NARS2: variants seen among roughly 807,000 people sequenced by gnomAD.
NARS2 encodes asparaginyl-tRNA synthetase.
Under a neutral mutation model 62.9 loss-of-function variants are expected in NARS2, and 60 were observed. The ratio of observed to expected loss-of-function variants is 0.95; its 90% CI spans 0.77 to 1.18. NARS2 has a LOEUF of 1.18. NARS2 is among the 50% of genes most tolerant of loss of function. NARS2 has a pLI of 0.00. For missense variants in NARS2, 619 were observed against 576.4 expected (o/e 1.07, Z -0.76); for synonymous variants, 196 against 200.0 (o/e 0.98, Z 0.17).
intron 11 of NARS2, among the ~76,000 whole-genome samples, chr11:78,447,047 A>C (rs914584004): frequency 1.0e-5 from 1 of 99,584 alleles, no homozygotes; most frequent in Non-Finnish European, 2.2e-5. Context: ...ACATTTCTCA[A>C]AAAAAAAACA....
In NARS2 at chr11:78,436,754, T is replaced by G; in HGVS notation, c.1350A>C (p.Glu450Asp). ...VPHGGFGMGFERYLQCILGVD... is the reference protein window; with the variant it reads ...VPHGGFGMGFDRYLQCILGVD... ...CACCCAAGATGCACTGCAGGTAGCG[T>G]TCAAATCCCATCCCAAAACCTCCAT... Residue 450 changes from glutamate (E) to aspartate (D), a missense_variant, in exon 14 of 14, where the codon GAA becomes GAC. Physicochemically the swap from Glu to Asp is conservative, Grantham distance 45 (BLOSUM62 2). Transcript: ENST00000281038. The G allele has an allele frequency of 6.2e-7, 1 of 1,614,208 alleles. No homozygotes were observed. Among genetic ancestry groups the G allele is most frequent in the East Asian group, 2.2e-5 (1 of 44,882 alleles).
intron 6 of NARS2, among the ~76,000 whole-genome samples, chr11:78,514,622 A>G (rs1860837401): frequency 6.6e-6 from 1 of 152,216 alleles, no homozygotes; most frequent in Non-Finnish European, 1.5e-5. Flanking sequence ...AATCCTTCAT[A>G]TACTTTTTCT....
intron 2 of NARS2, among the ~76,000 whole-genome samples, chr11:78,571,045 T>A (rs1387122098): frequency 2.0e-5 from 3 of 152,068 alleles, no homozygotes; most frequent in Non-Finnish European, 2.9e-5. Context: ...CATGTACAAA[T>A]GCTATTAGGA....
intron 12 of NARS2, 143 bp from the exon 13 acceptor site, chr11:78,441,260 A>G (rs921945065): frequency 1.5e-6 from 1 of 650,378 alleles, no homozygotes; most frequent in Admixed American, 2.9e-5. Flanking sequence ...TACTCAATAT[A>G]GTTGAGGAGC....
In NARS2 at chr11:78,574,798, C is replaced by A; in HGVS notation, c.-310G>T. On this transcript the variant is annotated 5_prime_UTR_variant, in exon 1 of 14. Coordinates refer to ENST00000281038, the MANE Select transcript of NARS2 (RefSeq NM_024678.6). Reference sequence around the variant, plus strand: ...GACAATTGTAAACCTACGAACAGAACCCGGGCCGCAACACGCGCAACCACT... The same window carrying A: ...GACAATTGTAAACCTACGAACAGAAACCGGGCCGCAACACGCGCAACCACT... 1 of 321,388 alleles carries A rather than the reference C, an allele frequency of 3.1e-6. No individual in the cohort carries two copies. The highest frequency in any genetic ancestry group is 4.9e-5 in the South Asian group (1 of 20,426). 19.9% of individuals were successfully genotyped at this position (321,388 alleles called of 1,614,324 possible).
intron 9 of NARS2, among the ~76,000 whole-genome samples, chr11:78,471,801 T>G (rs903071205): frequency 6.6e-6 from 1 of 151,546 alleles, no homozygotes; most frequent in African/African-American, 2.4e-5. Flanking sequence ...TTTTTGTTCT[T>G]GCGATAGTTT....
chr11:78,467,581 A>G (rs1858677256), intron 10 of NARS2, among the ~76,000 whole-genome samples: 1 of 151,892 alleles, frequency 6.6e-6, no homozygotes, highest in African/African-American at 2.4e-5. Flanking sequence ...TAATTAATTA[A>G]TTAAATACAA....
intron 11 of NARS2, among the ~76,000 whole-genome samples, chr11:78,461,602 T>TAAAAAAAAAAAAAAAAAAAAAA (rs59664343): frequency 3.1e-5 from 2 of 64,078 alleles, no homozygotes; most frequent in African/African-American, 1.2e-4. Flanking sequence ...GCTGTGCTGG[T>TAAAAAAAAAAAAAAAAAAAAAA]AAAAAAAAAA....
At chr11:78,502,471 T>A (rs922884534) in intron 6 of NARS2, among the ~76,000 whole-genome samples, 1 of 152,316 alleles carries the variant, frequency 6.6e-6, no homozygotes, top group East Asian at 1.9e-4. Flanking sequence ...CTTTACTTTT[T>A]AACAGTACTA....
At chr11:78,556,528 T>C (rs1024365813) in intron 5 of NARS2, among the ~76,000 whole-genome samples, 3 of 152,222 alleles carry the variant, frequency 2.0e-5, no homozygotes, top group Non-Finnish European at 4.4e-5. Context: ...GGAAGTCCCC[T>C]TTGCTTTAAC....
intron 11 of NARS2, among the ~76,000 whole-genome samples, chr11:78,455,154 C>T (rs1050890380): frequency 6.6e-6 from 1 of 152,100 alleles, no homozygotes; most frequent in Non-Finnish European, 1.5e-5. Context: ...TCTTAGAATA[C>T]ATACAATGCC....
intron 13 of NARS2, among the ~76,000 whole-genome samples, chr11:78,437,742 C>T (rs775037956): frequency 2.0e-5 from 3 of 151,872 alleles, no homozygotes; most frequent in Non-Finnish European, 2.9e-5. Context: ...TTTGGGAGGC[C>T]GAGGTGGGCG....
In NARS2 at chr11:78,467,544, A is replaced by C. The variant is rs1858671324; in HGVS notation, c.1027-1531T>G. 2.1e-5 allele frequency among the ~76,000 whole-genome samples: 3 copies of C among 144,876 alleles called. No homozygotes were observed. The Admixed American group carries it at 2.1e-4, about 10-fold the overall frequency. On this transcript the variant is annotated intron_variant, in intron 10 of 13. Transcript: ENST00000281038. ...CACAGAGAGATCTTGTCTTTCAAAA[A>C]ATAAATAAATAAATAAATAAATAAA...
chr11:78,444,037 CA>C (rs750603907), intron 11 of NARS2: 10 of 210,852 alleles, frequency 4.7e-5, no homozygotes, highest in Non-Finnish European at 8.7e-5. Flanking sequence ...AATCACCTAT[CA>C]GTACCAGAAA....
Position 78,544,795 on chromosome 11 carries a change from C to CAAAAAA in NARS2, c.594+14738_594+14743dup, listed in dbSNP as rs35180232. On this transcript the variant is annotated intron_variant, in intron 5 of 13. Coordinates refer to ENST00000281038, the MANE Select transcript of NARS2 (RefSeq NM_024678.6). ...GGCGATAGAGCGAGACTCCGTCTCA[C>CAAAAAA]AAAAAAAAAAAAAAAAAAAAAAAGG... Among the ~76,000 whole-genome samples the CAAAAAA allele has an allele frequency of 2.5e-3, 156 of 63,262 alleles. 3 individuals carry two copies. The highest frequency in any genetic ancestry group is 8.9e-3 in the African/African-American group (145 of 16,242). The allele number at this position is 63,262 out of a possible 152,430, so 41.5% of individuals were successfully genotyped here. A position where few individuals can be genotyped will look rare whatever the true frequency, so the allele number is the denominator to read the frequency against.
chr11:78,476,147 T>C (rs2135254901), intron 9 of NARS2, among the ~76,000 whole-genome samples: 1 of 152,314 alleles, frequency 6.6e-6, no homozygotes, highest in African/African-American at 2.4e-5. Flanking sequence ...ACTGAGCTTC[T>C]GCAGCAACCA....
At chr11:78,446,563 T>A (rs553653931) in intron 11 of NARS2, among the ~76,000 whole-genome samples, 1 of 152,214 alleles carries the variant, frequency 6.6e-6, no homozygotes, top group Non-Finnish European at 1.5e-5. Flanking sequence ...TTTAGAATTA[T>A]AGGCAATCAA....
Position 78,559,634 on chromosome 11 carries a change from C to T in NARS2, c.514-15G>A, listed in dbSNP as rs146044255. 1 of 1,556,462 alleles carries T rather than the reference C, an allele frequency of 6.4e-7. No individual in the cohort carries two copies. The highest frequency in any genetic ancestry group is 1.4e-5 in the African/African-American group (1 of 73,770). On this transcript the variant is annotated splice_polypyrimidine_tract_variant and intron_variant, in intron 4 of 13. Coordinates refer to ENST00000281038, the MANE Select transcript of NARS2 (RefSeq NM_024678.6). ...AAGCCACTGTCCTGAAAAAGAAAACCACTGTTTTCAGGATATTTGCACATT... is the reference window on the plus strand; with the variant it reads ...AAGCCACTGTCCTGAAAAAGAAAACTACTGTTTTCAGGATATTTGCACATT...
In NARS2 at chr11:78,508,386, C is replaced by T. The variant is rs144987075; in HGVS notation, c.690-15191G>A. On this transcript the variant is annotated intron_variant, in intron 6 of 13. Transcript: ENST00000281038. The stretch of plus-strand genomic sequence containing the variant: ...GGCAGACCACCTGAGGTGAGGGGTT[C>T]GAGAACAGCCTGGCCAACATGGTGA... Among the ~76,000 whole-genome samples, 613 of 152,080 alleles carry T rather than the reference C, an allele frequency of 4.0e-3. 2 individuals carry two copies. Among genetic ancestry groups the T allele is most frequent in the African/African-American group, 0.014 (570 of 41,494 alleles).
Sources: gnomAD v4.1 joint callset for allele counts (sites outside exome capture counted in the v4.1 genomes callset) on GRCh38, gnomAD v4.1.1 for gene constraint, MANE v1.5 for transcripts, NCBI Gene and HGNC (gene_info 2026-07-23, HGNC 2026-07-21) for gene names.